The following TEAD1 variants were observed in gnomAD, a reference collection of about 807,000 sequenced individuals.
TEAD1 encodes the protein transcriptional enhancer factor TEF-1.
A neutral mutation model predicts 54.9 loss-of-function variants in TEAD1; 9 were observed. That is an observed-to-expected ratio of 0.16 (90% CI 0.10 to 0.29). TEAD1 has a LOEUF of 0.29. TEAD1 is among the 10% of genes least tolerant of loss of function. TEAD1 has a pLI of 1.00. For synonymous variants in TEAD1, 200 were observed against 187.8 expected, an observed-to-expected ratio of 1.07 and a Z score of -0.53; for missense variants, 387 against 535.9, an observed-to-expected ratio of 0.72 and a Z score of 2.74.
chr11:12,749,236 C>T (rs558668413), intron 2 of TEAD1, among the ~76,000 whole-genome samples: 2 of 152,144 alleles, frequency 1.3e-5, no homozygotes, highest in East Asian at 3.9e-4. Flanking sequence ...GGAATCTGCA[C>T]CTGGAAGTCT....
At chr11:12,814,108 A>G (rs1946364644) in intron 3 of TEAD1, among the ~76,000 whole-genome samples, 1 of 152,132 alleles carries the variant, frequency 6.6e-6, no homozygotes, top group African/African-American at 2.4e-5. Flanking sequence ...TGCTACGCTC[A>G]CTGGTCACCA....
intron 2 of TEAD1, among the ~76,000 whole-genome samples, chr11:12,732,288 C>CT (rs1443759514): frequency 6.6e-6 from 1 of 152,200 alleles, no homozygotes; most frequent in Non-Finnish European, 1.5e-5. Context: ...ATTTCTATCT[C>CT]TGTCTTCCTT....
chr11:12,770,181 C>T (rs1206761590), intron 3 of TEAD1, among the ~76,000 whole-genome samples: 1 of 152,108 alleles, frequency 6.6e-6, no homozygotes, highest in African/African-American at 2.4e-5. Context: ...AGTTTGGTTC[C>T]TGTGAGAATA....
At chr11:12,902,227 G>A in intron 10 of TEAD1, 114 bp downstream of exon 10, 2 of 1,402,768 alleles carry the variant, frequency 1.4e-6, no homozygotes, top group Non-Finnish European at 1.0e-6. Context: ...ACCTTCATGT[G>A]CTTCTGCACA....
intron 2 of TEAD1, among the ~76,000 whole-genome samples, chr11:12,729,620 G>C (rs550516036): frequency 6.6e-6 from 1 of 152,320 alleles, no homozygotes; most frequent in Non-Finnish European, 1.5e-5. Flanking sequence ...ATTATATTGT[G>C]TGGTATGATA....
At chr11:12,746,368 C>T (rs897089556) in intron 2 of TEAD1, among the ~76,000 whole-genome samples, 11 of 152,234 alleles carry the variant, frequency 7.2e-5, no homozygotes, top group Admixed American at 6.5e-4. Flanking sequence ...GGAATTTGTT[C>T]AGTGGGAATA....
chr11:12,780,895 A>G (rs1945528814), intron 3 of TEAD1, among the ~76,000 whole-genome samples: 1 of 152,224 alleles, frequency 6.6e-6, no homozygotes, highest in Non-Finnish European at 1.5e-5. Context: ...TAGCCAAAAC[A>G]ATCTTGAAAA....
chr11:12,844,873 C>T (rs980219808), intron 3 of TEAD1, among the ~76,000 whole-genome samples: 3 of 151,010 alleles, frequency 2.0e-5, no homozygotes, highest in Non-Finnish European at 2.9e-5. Flanking sequence ...ACACAGCCCA[C>T]AGCTGGTGAG....
At chr11:12,917,225 C>T (rs1382313792) in intron 10 of TEAD1, among the ~76,000 whole-genome samples, 1 of 152,096 alleles carries the variant, frequency 6.6e-6, no homozygotes, top group African/African-American at 2.4e-5. Context: ...AAGGATTCGG[C>T]TGGTGTTTCT....
intron 2 of TEAD1, among the ~76,000 whole-genome samples, chr11:12,727,386 G>T (rs1028223693): frequency 1.1e-4 from 17 of 152,150 alleles, no homozygotes; most frequent in African/African-American, 3.9e-4. Flanking sequence ...GCTGTGAATC[G>T]GGTCCTGTGG....
chr11:12,816,264 G>T (rs567772770), intron 3 of TEAD1, among the ~76,000 whole-genome samples: 1 of 152,182 alleles, frequency 6.6e-6, no homozygotes, highest in South Asian at 2.1e-4. Context: ...TCATTCCAGT[G>T]TCTCTGACCA....
At chr11:12,805,001 A>G (rs1381783687) in intron 3 of TEAD1, among the ~76,000 whole-genome samples, 1 of 152,180 alleles carries the variant, frequency 6.6e-6, no homozygotes, top group Non-Finnish European at 1.5e-5. Context: ...TCTAGTTATA[A>G]TCTTAAAAGG....
At chr11:12,759,886 C>A (rs1313065199) in intron 2 of TEAD1, among the ~76,000 whole-genome samples, 2 of 152,176 alleles carry the variant, frequency 1.3e-5, no homozygotes, top group East Asian at 3.9e-4. Context: ...TTATCTCCAA[C>A]AAAGAAGACT....
intron 3 of TEAD1, among the ~76,000 whole-genome samples, chr11:12,836,815 G>A (rs1344160972): frequency 6.6e-6 from 1 of 152,116 alleles, no homozygotes; most frequent in East Asian, 1.9e-4. Context: ...CTGCATCACG[G>A]ACTTAGCAGG....
rs377506698 is a variant in TEAD1, at chr11:12,882,988, A to T, written c.575-13A>T. On this transcript the variant is annotated splice_polypyrimidine_tract_variant and intron_variant, in intron 8 of 12. Coordinates refer to ENST00000527636, the MANE Select transcript of TEAD1 (RefSeq NM_021961.6). The stretch of plus-strand genomic sequence containing the variant: ...TGAGTGACCAGCATCAAAGGTGACG[A>T]TTGCTCTTTCAGGGTTTGAGCCTGC... The T allele has an allele frequency of 2.2e-5, 36 of 1,614,002 alleles. No homozygotes were observed. In the African/African-American group the frequency reaches 4.4e-4, roughly 20 times the overall value.
At chr11:12,834,386 G>T (rs767395582) in intron 3 of TEAD1, among the ~76,000 whole-genome samples, 22 of 152,192 alleles carry the variant, frequency 1.4e-4, no homozygotes, top group Non-Finnish European at 2.8e-4. Context: ...AGTGCAATCT[G>T]ACAGACCTGG....
At chr11:12,790,222 G>A (rs1945769077) in intron 3 of TEAD1, among the ~76,000 whole-genome samples, 1 of 152,212 alleles carries the variant, frequency 6.6e-6, no homozygotes, top group Non-Finnish European at 1.5e-5. Flanking sequence ...TCTGCAGCAG[G>A]GCCAGAGCCT....
chr11:12,705,307 C>T (rs74546393), intron 2 of TEAD1, among the ~76,000 whole-genome samples: 10 of 152,186 alleles, frequency 6.6e-5, no homozygotes, highest in African/African-American at 2.4e-4. Flanking sequence ...AAGTTTCAGC[C>T]TAAAGGAAAA....
intron 3 of TEAD1, among the ~76,000 whole-genome samples, chr11:12,858,128 T>C (rs114209381): frequency 7.7e-4 from 117 of 152,174 alleles, no homozygotes; most frequent in African/African-American, 2.5e-3. Context: ...GAAATAGAGA[T>C]AGGACTTAGG....
Sources: allele counts gnomAD v4.1 joint callset (sites outside exome capture counted in the v4.1 genomes callset), GRCh38; gene constraint gnomAD v4.1.1; transcripts MANE v1.5; gene names NCBI Gene and HGNC (gene_info 2026-07-23, HGNC 2026-07-21).